The following CAPRIN1 variants were observed in gnomAD, a reference collection of about 807,000 sequenced individuals.
CAPRIN1 encodes cell cycle associated protein 1.
Under a neutral mutation model 100.9 loss-of-function variants are expected in CAPRIN1, and 29 were observed. The ratio of observed to expected loss-of-function variants is 0.29; its 90% CI spans 0.21 to 0.39. The LOEUF is 0.39. Among genes scored for constraint, CAPRIN1 ranks in the 10% least tolerant of loss-of-function variants. The pLI is 1.00. For missense variants in CAPRIN1, 795 were observed against 876.7 expected (o/e 0.91, Z 1.18); for synonymous variants, 338 against 307.5 (o/e 1.10, Z -1.04).
intron 2 of CAPRIN1, among the ~76,000 whole-genome samples, chr11:34,070,425 C>A (rs964360365): frequency 1.3e-5 from 2 of 152,198 alleles, no homozygotes; most frequent in Non-Finnish European, 2.9e-5. Context: ...GGAGCAGCAT[C>A]TCACGCTGTC....
intron 7 of CAPRIN1, among the ~76,000 whole-genome samples, 161 bp downstream of exon 7, chr11:34,079,926 T>TG (rs1565091767): frequency 9.4e-5 from 3 of 32,042 alleles, no homozygotes; most frequent in African/African-American, 3.2e-4. Flanking sequence ...TTTTTTTTTT[T>TG]TTTTTTTTTT....
chr11:34,098,348 A>G (rs1181153828), intron 18 of CAPRIN1: 12 of 984,414 alleles, frequency 1.2e-5, no homozygotes, highest in Non-Finnish European at 1.4e-5. Context: ...ATTGAGCTAT[A>G]CTTAAAAAAA....
rs141541076 is a variant in CAPRIN1 at position 34,057,723 on chromosome 11, T to C, written c.216+5087T>C. On this transcript the variant is annotated intron_variant, in intron 2 of 18. Transcript: ENST00000341394. Reference sequence around the variant, plus strand: ...AATTTAGAGGATTTTTAATTTTTATTTATTATCATTATTTGAGACAGTTTT... The same window carrying C: ...AATTTAGAGGATTTTTAATTTTTATCTATTATCATTATTTGAGACAGTTTT... Among the ~76,000 whole-genome samples the C allele has an allele frequency of 4.3e-3, 652 of 152,260 alleles. 6 individuals are homozygous for C. The highest frequency in any genetic ancestry group is 0.015 in the African/African-American group (613 of 41,552).
At chr11:34,070,351 C>G (rs1850783897) in intron 2 of CAPRIN1, among the ~76,000 whole-genome samples, 2 of 152,252 alleles carry the variant, frequency 1.3e-5, no homozygotes, top group South Asian at 4.2e-4. Flanking sequence ...GGATGAAGTA[C>G]ATTAAAGACA....
chr11:34,076,322 G>A lies in CAPRIN1; in HGVS notation c.453G>A (p.Glu151=). 2.5e-6 allele frequency: 4 copies of A among 1,614,120 alleles called. No individual in the cohort carries two copies. The highest frequency in any genetic ancestry group is 3.4e-6 in the Non-Finnish European group (4 of 1,179,924). ...AGAAACGTTTAAAAACTGTACTTGA[G>A]CTACAGTATGTTTTGGACAAATTGG... is the stretch of plus-strand genomic sequence containing the variant. ...AEQKRLKTVL[E]LQYVLDKLGD... Residue 151 remains glutamate, a synonymous_variant, in exon 5 of 19, where the codon GAG becomes GAA. Transcript: ENST00000341394.
chr11:34,084,921 C>CT (rs1851108718), intron 9 of CAPRIN1, among the ~76,000 whole-genome samples: 1 of 151,760 alleles, frequency 6.6e-6, no homozygotes, highest in East Asian at 1.9e-4. Flanking sequence ...CTACTTGCCA[C>CT]TGTGCCAGTG....
At chr11:34,064,370 T>C (rs1466382079) in intron 2 of CAPRIN1, among the ~76,000 whole-genome samples, 5 of 152,244 alleles carry the variant, frequency 3.3e-5, no homozygotes, top group South Asian at 2.1e-4. Flanking sequence ...AGTTGGACTT[T>C]AATGTAAACC....
At chr11:34,064,230 G>A (rs1850640656) in intron 2 of CAPRIN1, among the ~76,000 whole-genome samples, 2 of 151,510 alleles carry the variant, frequency 1.3e-5, no homozygotes, top group African/African-American at 2.4e-5. Flanking sequence ...TGTCTGTCTG[G>A]AGCCCTTTAT....
chr11:34,098,967 C>T (rs1851412626), intron 18 of CAPRIN1: 7 of 1,136,040 alleles, frequency 6.2e-6, no homozygotes, highest in Non-Finnish European at 5.4e-6. Context: ...GAGCAGGTAC[C>T]TTGTCTGTCT....
intron 2 of CAPRIN1, among the ~76,000 whole-genome samples, chr11:34,057,027 G>A (rs1033039259): frequency 2.0e-5 from 3 of 152,216 alleles, no homozygotes; most frequent in African/African-American, 7.2e-5. Flanking sequence ...ACGTTGCAGT[G>A]TGTCTGTGCT....
At chr11:34,069,143 CTTA>C (rs907056163) in intron 2 of CAPRIN1, among the ~76,000 whole-genome samples, 1 of 147,288 alleles carries the variant, frequency 6.8e-6, no homozygotes, top group African/African-American at 2.5e-5. Flanking sequence ...AAATTCAAAA[CTTA>C]TTTAGTTTTT....
At chr11:34,091,160 G>A (rs1165192360) in intron 14 of CAPRIN1, among the ~76,000 whole-genome samples, 3 of 152,032 alleles carry the variant, frequency 2.0e-5, no homozygotes, top group Non-Finnish European at 4.4e-5. Context: ...GTGCTGAGAG[G>A]AAAGTTCATA....
At chr11:34,069,609 A>G (rs1362274814) in intron 2 of CAPRIN1, among the ~76,000 whole-genome samples, 1 of 152,102 alleles carries the variant, frequency 6.6e-6, no homozygotes, top group East Asian at 1.9e-4. Context: ...AGGTAATTGG[A>G]CACATCTTCT....
intron 2 of CAPRIN1, among the ~76,000 whole-genome samples, chr11:34,059,680 C>G (rs1363241228): frequency 6.6e-6 from 1 of 152,078 alleles, no homozygotes; most frequent in African/African-American, 2.4e-5. Context: ...GGTAGTTTGG[C>G]CAAATCATTA....
chr11:34,079,562 T>C, intron 6 of CAPRIN1, 66 bp from the exon 7 acceptor site: 7 of 1,311,270 alleles, frequency 5.3e-6, no homozygotes, highest in Non-Finnish European at 7.6e-6. Flanking sequence ...TATAGAATGT[T>C]GGATCTTCTT....
rs772514952 is a variant in CAPRIN1 at position 34,076,562 on chromosome 11, T to G, written c.608T>G (p.Leu203Trp). The G allele has an allele frequency of 6.2e-7, 1 of 1,613,694 alleles. No homozygotes were observed. Among genetic ancestry groups the G allele is most frequent in the Non-Finnish European group, 8.5e-7 (1 of 1,179,626 alleles). Reference sequence around the variant, plus strand: ...AATTAGCTATTTACTATTAAAAGGTTGAATGAACAGTATGAACATGCCTCC... The same window carrying G: ...AATTAGCTATTTACTATTAAAAGGTGGAATGAACAGTATGAACATGCCTCC... ...VDPERDMSLR[L>W]NEQYEHASIH... Residue 203 changes from leucine (L) to tryptophan (W), a missense_variant and splice_region_variant, in exon 6 of 19, where the codon TTG (leucine) becomes TGG (tryptophan). This residue lies in a region of CAPRIN1 where 648 missense variants were observed against 697.9 expected (regional missense o/e 0.93). Coordinates refer to ENST00000341394, the MANE Select transcript of CAPRIN1 (RefSeq NM_005898.5).
chr11:34,076,629 A>C lies in CAPRIN1; in HGVS notation c.675A>C (p.Val225=), dbSNP rs981730661. The change falls in exon 6 of 19, where the codon GTA becomes GTC. Residue 225 remains valine, a synonymous_variant. Coordinates refer to ENST00000341394, the MANE Select transcript of CAPRIN1 (RefSeq NM_005898.5). ...WDLLEGKEKP[V]CGTTYKVLKE... ...TGCTGGAAGGGAAGGAAAAACCTGT[A>C]TGTGGAACCACCTGTGAGTATCACT... is the stretch of plus-strand genomic sequence containing the variant. The C allele has an allele frequency of 9.9e-6, 16 of 1,609,566 alleles. No homozygotes were observed. Among genetic ancestry groups the C allele is most frequent in the Non-Finnish European group, 1.4e-5 (16 of 1,176,012 alleles).
chr11:34,084,842 A>G (rs1312698583), intron 9 of CAPRIN1, among the ~76,000 whole-genome samples: 1 of 152,176 alleles, frequency 6.6e-6, no homozygotes, highest in African/African-American at 2.4e-5. Flanking sequence ...CATAGTAGGA[A>G]GAAGTTGGGA....
intron 9 of CAPRIN1, 44 bp from the exon 10 acceptor site, chr11:34,086,020 T>G (rs1851134739): frequency 6.3e-7 from 1 of 1,585,652 alleles, no homozygotes; most frequent in Non-Finnish European, 8.6e-7. Context: ...GAGTGGAGCT[T>G]TTTTGCTCTC....
Sources: gnomAD v4.1 joint callset for allele counts (sites outside exome capture counted in the v4.1 genomes callset) on GRCh38, gnomAD v4.1.1 for gene constraint, gnomAD v4.1.1 regional missense constraint, MANE v1.5 for transcripts, NCBI Gene and HGNC (gene_info 2026-07-23, HGNC 2026-07-21) for gene names.